The following SP4 variants were observed in gnomAD, a reference collection of about 807,000 sequenced individuals.
SP4 encodes transcription factor Sp4.
SP4 carries 19 observed loss-of-function variants against 72.8 expected under a neutral mutation model. The observed-to-expected ratio is 0.26, with a 90% CI of 0.18 to 0.38. SP4 has a LOEUF of 0.38. Ranked by LOEUF, SP4 falls within the 10% of genes least tolerant of loss-of-function variation. The pLI is 1.00. For synonymous variants in SP4, 395 were observed against 333.1 expected, an observed-to-expected ratio of 1.19 and a Z score of -2.02; for missense variants, 1,008 against 926.3, an observed-to-expected ratio of 1.09 and a Z score of -1.14.
chr7:21,501,849 C>T (rs982297437), intron 5 of SP4, among the ~76,000 whole-genome samples: 1 of 152,190 alleles, frequency 6.6e-6, no homozygotes, highest in African/African-American at 2.4e-5. Flanking sequence ...AGCCTGTTTT[C>T]CCAGGCCATT....
intron 4 of SP4, among the ~76,000 whole-genome samples, chr7:21,480,954 G>A (rs1162984035): frequency 6.6e-6 from 1 of 152,164 alleles, no homozygotes. Context: ...TGAACCGGGG[G>A]TTGAGACAGT....
chr7:21,440,750 C>G (rs144109127), intron 3 of SP4, among the ~76,000 whole-genome samples: 95 of 152,078 alleles, frequency 6.2e-4, no homozygotes, highest in African/African-American at 2.2e-3. Flanking sequence ...TCTGGGAGGC[C>G]GAGGTGGGAG....
intron 3 of SP4, among the ~76,000 whole-genome samples, chr7:21,473,176 G>C (rs542770977): frequency 1.3e-5 from 2 of 152,162 alleles, no homozygotes; most frequent in Admixed American, 1.3e-4. Flanking sequence ...CAAGGGCTTG[G>C]ATCAAGATGA....
At chr7:21,480,170 T>C (rs1370644471) in intron 4 of SP4, among the ~76,000 whole-genome samples, 1 of 152,174 alleles carries the variant, frequency 6.6e-6, no homozygotes, top group African/African-American at 2.4e-5. Flanking sequence ...TGTGCTTGTA[T>C]TTTGTTGAGG....
Position 21,428,203 on chromosome 7 carries a change from C to CCCCAA in SP4, c.-49_-48insCCCAA. The stretch of plus-strand genomic sequence containing the variant: ...CTCCCGCCTCGCCCCCACCCCCACC[C>CCCCAA]ACCTCTATCCCAGTGTCTCCGTCTG... On this transcript the variant is annotated 5_prime_UTR_variant, in exon 1 of 6. Transcript: ENST00000222584. 8.2e-7 allele frequency: 1 copy of CCCCAA among 1,216,696 alleles called. No homozygotes were observed. The highest frequency in any genetic ancestry group is 1.2e-6 in the Non-Finnish European group (1 of 854,948). The allele number at this position is 1,216,696 out of a possible 1,614,324, so 75.4% of individuals were successfully genotyped here.
At chr7:21,483,283 A>G (rs894831240) in intron 5 of SP4, among the ~76,000 whole-genome samples, 3 of 151,716 alleles carry the variant, frequency 2.0e-5, no homozygotes, top group African/African-American at 7.3e-5. Flanking sequence ...CCTTATTTAT[A>G]TGATTTATAT....
chr7:21,440,361 C>G (rs1318490838), intron 3 of SP4, among the ~76,000 whole-genome samples: 1 of 152,174 alleles, frequency 6.6e-6, no homozygotes, highest in Non-Finnish European at 1.5e-5. Flanking sequence ...GGTGACATCT[C>G]TACGTAGTGA....
chr7:21,485,463 T>TA (rs141752144), intron 5 of SP4, among the ~76,000 whole-genome samples: 2,773 of 152,128 alleles, frequency 0.018, 41 homozygotes, highest in Middle Eastern at 0.048. Context: ...ATATCATAGC[T>TA]AACTATTTTA....
At chr7:21,501,336 C>G (rs1028804125) in intron 5 of SP4, among the ~76,000 whole-genome samples, 1 of 151,808 alleles carries the variant, frequency 6.6e-6, no homozygotes, top group African/African-American at 2.4e-5. Flanking sequence ...AACATTTTCT[C>G]ACAAAGTCCC....
chr7:21,459,954 A>G (rs890839368), intron 3 of SP4, among the ~76,000 whole-genome samples: 1 of 152,240 alleles, frequency 6.6e-6, no homozygotes, highest in Non-Finnish European at 1.5e-5. Flanking sequence ...CATAGAAGTA[A>G]TACAAGTGGC....
Position 21,477,240 on chromosome 7 carries a change from G to A in SP4, c.1840G>A (p.Val614Ile), listed in dbSNP as rs759023913. ...QQGQQTSDQE[V>I]QPGKRLRRVA... ...AGGCCAGCAGACTTCTGATCAAGAG[G>A]TACAACCTGGCAAGAGGCTTCGAAG... is the stretch of plus-strand genomic sequence containing the variant. The change falls in exon 4 of 6, where the codon GTA (valine) becomes ATA (isoleucine). Residue 614 changes from valine to isoleucine, a missense_variant. Val to Ile is a conservative substitution (Grantham distance 29). This residue lies in a region of SP4 where 893 missense variants were observed against 743.3 expected (regional missense o/e 1.20). Coordinates refer to ENST00000222584, the MANE Select transcript of SP4 (RefSeq NM_003112.5). 1.2e-6 allele frequency: 2 copies of A among 1,614,186 alleles called. No homozygotes were observed. The highest frequency in any genetic ancestry group is 8.5e-7 in the Non-Finnish European group (1 of 1,180,026).
Position 21,429,717 on chromosome 7 carries a change from T to G in SP4, c.552T>G (p.Thr184=). The part of the protein sequence containing the change: ...VEGQQIQINP[T]SSSSLQDLQG... ...GTCAACAAATTCAAATCAATCCAACTAGTAGTTCATCTCTACAGGATTTGC... is the reference window on the plus strand; with the variant it reads ...GTCAACAAATTCAAATCAATCCAACGAGTAGTTCATCTCTACAGGATTTGC... Residue 184 remains threonine, a synonymous_variant, in exon 3 of 6, where the codon ACT becomes ACG. Coordinates refer to ENST00000222584, the MANE Select transcript of SP4 (RefSeq NM_003112.5). The G allele has an allele frequency of 6.2e-7, 1 of 1,614,166 alleles. No individual in the cohort carries two copies. The highest frequency in any genetic ancestry group is 8.5e-7 in the Non-Finnish European group (1 of 1,180,012).
rs1051112589 is a variant in SP4, at chr7:21,429,670, C to T, written c.505C>T (p.Pro169Ser). The T allele has an allele frequency of 6.2e-7, 1 of 1,614,106 alleles. No homozygotes were observed. Among genetic ancestry groups the T allele is most frequent in the Non-Finnish European group, 8.5e-7 (1 of 1,179,992 alleles). Residue 169 changes from proline to serine, a missense_variant, in exon 3 of 6, where the codon CCA becomes TCA. Pro to Ser is a moderately conservative substitution (Grantham distance 74). Coordinates refer to ENST00000222584, the MANE Select transcript of SP4 (RefSeq NM_003112.5). ...TGGTAGTGTACAGTACCAAGTAATTCCACAACTTCAGACAGTGGAAGGTCA... is the reference window on the plus strand; with the variant it reads ...TGGTAGTGTACAGTACCAAGTAATTTCACAACTTCAGACAGTGGAAGGTCA... ...PSGSVQYQVI[P>S]QLQTVEGQQI...
chr7:21,482,290 C>T (rs1350608298), intron 5 of SP4, among the ~76,000 whole-genome samples, 167 bp downstream of exon 5: 1 of 152,150 alleles, frequency 6.6e-6, no homozygotes, highest in African/African-American at 2.4e-5. Context: ...AACCTCATTT[C>T]TGAGATACAT....
rs11982371 is a variant in SP4 at position 21,493,061 on chromosome 7, A to G, written c.2107+10938A>G. Among the ~76,000 whole-genome samples, 1,160 of 152,238 alleles carry G rather than the reference A, an allele frequency of 7.6e-3. 16 individuals carry two copies. The highest frequency in any genetic ancestry group is 0.025 in the African/African-American group (1,058 of 41,552). ...CTAAAAATACAAAAATTAGCTAGGC[A>G]TGGTGGCATGTGCCTGTAGTTCCAG... On this transcript the variant is annotated intron_variant, in intron 5 of 5. Transcript: ENST00000222584.
At position 21,428,935 on chromosome 7, in the gene SP4, A is replaced by C. The variant is rs1029865509; in HGVS notation, c.123+143A>C. 9.9e-6 allele frequency: 7 copies of C among 705,656 alleles called. No homozygotes were observed. The African/African-American group carries it at 1.1e-4, about 11-fold the overall frequency. 43.7% of individuals were successfully genotyped at this position (705,656 alleles called of 1,614,324 possible). ...TGAGAGTGTGGAACTTAAATTGTAA[A>C]TTCATCAAGTTTTCACCTCTTTGAG... On this transcript the variant is annotated intron_variant, in intron 2 of 5. Coordinates refer to ENST00000222584, the MANE Select transcript of SP4 (RefSeq NM_003112.5).
chr7:21,478,189 T>C lies in SP4; in HGVS notation c.1907+882T>C, dbSNP rs77372500. 3.2e-3 allele frequency among the ~76,000 whole-genome samples: 484 copies of C among 152,310 alleles called. 2 individuals carry two copies. The highest frequency in any genetic ancestry group is 0.011 in the African/African-American group (448 of 41,586). On this transcript the variant is annotated intron_variant, in intron 4 of 5. Coordinates refer to ENST00000222584, the MANE Select transcript of SP4 (RefSeq NM_003112.5). ...AAGGTTCAACCATATTACAGTATGA[T>C]CAATACTTCATTCCTTTTTAGGGAC...
intron 3 of SP4, among the ~76,000 whole-genome samples, chr7:21,442,196 G>A (rs1479877718): frequency 6.6e-6 from 1 of 151,564 alleles, no homozygotes; most frequent in African/African-American, 2.4e-5. Flanking sequence ...CCGCCACCAC[G>A]CCCAGCCAAT....
Position 21,430,431 on chromosome 7 carries a change from A to G in SP4, c.1266A>G (p.Pro422=), listed in dbSNP as rs748961551. The change falls in exon 3 of 6, where the codon CCA becomes CCG. Residue 422 remains proline, a synonymous_variant. Transcript: ENST00000222584. ...AACAGATCATTCAGGCTATTCCACC[A>G]CAGTCGTTTCAACTCCAGTCAGGGC... ...PQQQIIQAIP[P]QSFQLQSGQT... is the part of the protein sequence containing the mutation. 10 of 1,614,166 alleles carry G rather than the reference A, an allele frequency of 6.2e-6. No homozygotes were observed. The highest frequency in any genetic ancestry group is 1.7e-6 in the Non-Finnish European group (2 of 1,180,030).
Sources: allele counts gnomAD v4.1 joint callset (sites outside exome capture counted in the v4.1 genomes callset), GRCh38; gene constraint gnomAD v4.1.1; regional missense constraint gnomAD v4.1.1; transcripts MANE v1.5; gene names NCBI Gene and HGNC (gene_info 2026-07-23, HGNC 2026-07-21).